The following OGFR variants were observed in gnomAD, a reference collection of about 807,000 sequenced individuals.
The protein encoded by OGFR is protein 7-60.
Under a neutral mutation model 33.6 loss-of-function variants are expected in OGFR, and 18 were observed. That is an observed-to-expected ratio of 0.54 (90% confidence interval 0.37 to 0.80). OGFR has a LOEUF of 0.80. Among genes scored for constraint, OGFR ranks in the 30% least tolerant of loss-of-function variants. The probability of loss-of-function intolerance (pLI) is 0.00; values close to 1 mark genes in which losing one functional copy is unlikely to be tolerated. For synonymous variants in OGFR, 370 were observed against 400.7 expected, an observed-to-expected ratio of 0.92 and a Z score of 0.91; for missense variants, 877 against 955.8, an observed-to-expected ratio of 0.92 and a Z score of 1.09.
At position 62,808,268 on chromosome 20, in the gene OGFR, A is replaced by G; in HGVS notation, c.262A>G (p.Asn88Asp). Residue 88 changes from asparagine (N) to aspartate (D), a missense_variant, in exon 3 of 7, where the codon AAT (asparagine) becomes GAT (aspartate). Asn to Asp is a conservative substitution (Grantham distance 23). Around this residue, in one of 3 missense-constraint regions of OGFR, gnomAD observed 760 missense variants for 736.0 expected, o/e 1.03. Coordinates refer to ENST00000290291, the MANE Select transcript of OGFR (RefSeq NM_007346.4). ...NYPDLVERDC[N>D]GDTPNLSFYR... is the part of the protein sequence containing the mutation. ...TCAGGATCTGGTGGAACGAGACTGCAATGGGGACACGCCAAACCTGAGTTT... is the reference window on the plus strand; with the variant it reads ...TCAGGATCTGGTGGAACGAGACTGCGATGGGGACACGCCAAACCTGAGTTT... 4 of 1,613,462 alleles carry G rather than the reference A, an allele frequency of 2.5e-6. No individual in the cohort carries two copies. The highest frequency in any genetic ancestry group is 3.4e-6 in the Non-Finnish European group (4 of 1,179,878).
At position 62,810,487 on chromosome 20, in the gene OGFR, C is replaced by G; in HGVS notation, c.399-12C>G. The G allele has an allele frequency of 6.2e-7, 1 of 1,613,104 alleles. No homozygotes were observed. Among genetic ancestry groups the G allele is most frequent in the Non-Finnish European group, 8.5e-7 (1 of 1,179,700 alleles). ...CTCCTAATCCCTTGCCTGAGCATCT[C>G]TTCTCCTGCAGGCTGTTTCCTCTGC... is the stretch of plus-strand genomic sequence containing the variant. On this transcript the variant is annotated splice_polypyrimidine_tract_variant and intron_variant, in intron 4 of 6. Coordinates refer to ENST00000290291, the MANE Select transcript of OGFR (RefSeq NM_007346.4).
chr20:62,813,460 CG>C lies in OGFR; in HGVS notation c.1846del (p.Glu616ArgfsTer98), dbSNP rs1990795694. The C allele has an allele frequency of 2.1e-6, 3 of 1,427,808 alleles. No individual in the cohort carries two copies. The highest frequency in any genetic ancestry group is 2.8e-5 in the East Asian group (1 of 36,044). 88.4% of individuals were successfully genotyped at this position (1,427,808 alleles called of 1,614,324 possible). A position where few individuals can be genotyped will look rare whatever the true frequency, so the allele number is the denominator to read the frequency against. Reference sequence around the variant, plus strand: ...CAGGACCTGCAGGGGACGAGCCAGCCGAGAGCCCATCGGAGACCCCAGGCCC... The same window carrying C: ...CAGGACCTGCAGGGGACGAGCCAGCCAGAGCCCATCGGAGACCCCAGGCCC... ...PAGPAGDEPAESPSETPGPRP... is the reference protein window; with the variant it reads ...PAGPAGDEPAXSPSETPGPRP... On this transcript the variant is annotated frameshift_variant, in exon 7 of 7. Coordinates refer to ENST00000290291, the MANE Select transcript of OGFR (RefSeq NM_007346.4). LOFTEE classifies it low-confidence loss of function (END_TRUNC).
At chr20:62,810,351 C>G in intron 4 of OGFR, 148 bp from the exon 5 acceptor site, 1 of 689,774 alleles carries the variant, frequency 1.4e-6, no homozygotes, top group Non-Finnish European at 2.5e-6. Context: ...CTCTCCCACC[C>G]TCGCTCCTCC....
intron 1 of OGFR, 151 bp from the exon 2 acceptor site, chr20:62,807,386 A>T: frequency 1.5e-6 from 1 of 676,356 alleles, no homozygotes; most frequent in Non-Finnish European, 2.6e-6. Flanking sequence ...AAAAAGAGCC[A>T]GGGCAGGAGA....
At position 62,807,338 on chromosome 20, in the gene OGFR, G is replaced by A. The variant is rs115942373; in HGVS notation, c.172-199G>A. On this transcript the variant is annotated intron_variant, in intron 1 of 6. Coordinates refer to ENST00000290291, the MANE Select transcript of OGFR (RefSeq NM_007346.4). ...GGTTCTGTGCAGGGTATTGGGATGC[G>A]TTACTGAGGCCCAAATCTGCCCCAC... The A allele has an allele frequency of 3.4e-3, 2,066 of 610,766 alleles. 37 individuals are homozygous for A. The highest frequency in any genetic ancestry group is 0.033 in the African/African-American group (1,794 of 54,104). 37.8% of individuals were successfully genotyped at this position (610,766 alleles called of 1,614,324 possible). A position where few individuals can be genotyped will look rare whatever the true frequency, so the allele number is the denominator to read the frequency against.
Position 62,811,626 on chromosome 20 carries a change from T to TGGCGGC in OGFR, c.614+16_614+17insGGCGGC. 2 of 1,502,520 alleles carry TGGCGGC rather than the reference T, an allele frequency of 1.3e-6. No individual in the cohort carries two copies. The highest frequency in any genetic ancestry group is 1.8e-6 in the Non-Finnish European group (2 of 1,110,112). 93.1% of individuals were successfully genotyped at this position (1,502,520 alleles called of 1,614,324 possible). ...ACCTGAACTGGTGAGGCCCGGCTGC[T>TGGCGGC]CCCGCCCACCCCCACCCCGGCGCAG... On this transcript the variant is annotated intron_variant, in intron 6 of 6. Transcript: ENST00000290291.
Position 62,812,785 on chromosome 20 carries a change from C to T in OGFR, c.1170C>T (p.Ser390=). 6.2e-7 allele frequency: 1 copy of T among 1,612,252 alleles called. No homozygotes were observed. Among genetic ancestry groups the T allele is most frequent in the Non-Finnish European group, 8.5e-7 (1 of 1,179,726 alleles). ...KESKKRKLEL[S]RREQPPTEPG... is the part of the protein sequence containing the mutation. ...GCAAGAAGAGGAAGCTGGAGCTGAG[C>T]CGGCGGGAGCAGCCGCCCACAGAGC... The change falls in exon 7 of 7, where the codon AGC becomes AGT. Residue 390 remains serine, a synonymous_variant. Transcript: ENST00000290291.
Position 62,813,033 on chromosome 20 carries a change from G to C in OGFR, c.1418G>C (p.Ser473Thr). The C allele has an allele frequency of 1.9e-6, 3 of 1,600,374 alleles. No homozygotes were observed. ...GCTGGGGACAGTGCTGCGGTGGCCA[G>C]TGGTGGTGCCCAGACCTTGGCCCTT... ...EGAGDSAAVA[S>T]GGAQTLALAG... The change falls in exon 7 of 7, where the codon AGT becomes ACT. Residue 473 changes from serine (S) to threonine (T), a missense_variant. Around this residue, in one of 3 missense-constraint regions of OGFR, gnomAD observed 760 missense variants for 736.0 expected, o/e 1.03. Transcript: ENST00000290291.
In OGFR at chr20:62,813,854, G is replaced by T. The variant is rs1000719986; in HGVS notation, c.*205G>T. On this transcript the variant is annotated 3_prime_UTR_variant, in exon 7 of 7. Transcript: ENST00000290291. ...GCCCAAGGCCTGCAGAAGCCTCCTG[G>T]CCTGGCTGTGTCTTCCCCACCCAGC... 7.3e-5 allele frequency: 45 copies of T among 618,098 alleles called. No individual in the cohort carries two copies. The highest frequency in any genetic ancestry group is 1.2e-4 in the Non-Finnish European group (42 of 354,010). 38.3% of individuals were successfully genotyped at this position (618,098 alleles called of 1,614,324 possible).
intron 6 of OGFR, among the ~76,000 whole-genome samples, 158 bp downstream of exon 6, chr20:62,811,768 C>T (rs773758964): frequency 3.9e-5 from 6 of 152,248 alleles, no homozygotes; most frequent in Non-Finnish European, 1.5e-5. Context: ...CCTGTAGAGC[C>T]GGGCGGTCCC....
intron 1 of OGFR, chr20:62,806,130 C>T (rs910253718): frequency 6.6e-6 from 1 of 152,244 alleles, no homozygotes; most frequent in Non-Finnish European, 1.5e-5. Flanking sequence ...GTGGCCACAT[C>T]CAGTCAGGAC....
Position 62,812,639 on chromosome 20 carries a change from G to T in OGFR, c.1024G>T (p.Asp342Tyr). Residue 342 changes from aspartate (D) to tyrosine (Y), a missense_variant, in exon 7 of 7, where the codon GAC becomes TAC. By Grantham distance (160) the Asp-to-Tyr change is radical. Transcript: ENST00000290291. ...GCATAGCAAGGGTGGGGGCAGGGTG[G>T]ACGAGGGGCCCCAGCCACGGAGCGT... Reference protein sequence around the residue: ...PEHSKGGGRVDEGPQPRSVEP... With the variant: ...PEHSKGGGRVYEGPQPRSVEP... 1 of 1,560,174 alleles carries T rather than the reference G, an allele frequency of 6.4e-7. No homozygotes were observed.
At chr20:62,807,900 C>A in intron 2 of OGFR, 1 of 599,204 alleles carries the variant, frequency 1.7e-6, no homozygotes. Flanking sequence ...TGATACCGCC[C>A]ACACAGCACC....
Position 62,813,678 on chromosome 20 carries a change from C to T in OGFR, c.*29C>T, listed in dbSNP as rs769847399. The stretch of plus-strand genomic sequence containing the variant: ...AAGGAGTGCCCGTCGGCGTCTTGGT[C>T]CTCCTGTCCCTGCTGCAGGGGCTGG... On this transcript the variant is annotated 3_prime_UTR_variant, in exon 7 of 7. Coordinates refer to ENST00000290291, the MANE Select transcript of OGFR (RefSeq NM_007346.4). The T allele has an allele frequency of 2.6e-5, 42 of 1,607,814 alleles. No homozygotes were observed. The Admixed American group carries it at 4.9e-4, about 19-fold the overall frequency.
intron 5 of OGFR, 138 bp from the exon 6 acceptor site, chr20:62,811,324 T>G: frequency 1.0e-6 from 1 of 983,036 alleles, no homozygotes; most frequent in Non-Finnish European, 1.5e-6. Flanking sequence ...AGAGCAAGAC[T>G]CTGTCTCTAA....
intron 3 of OGFR, among the ~76,000 whole-genome samples, chr20:62,808,526 G>T (rs1320406406): frequency 6.6e-6 from 1 of 152,144 alleles, no homozygotes; most frequent in Non-Finnish European, 1.5e-5. Flanking sequence ...GGTCGGGGTG[G>T]GCTATCTCTG....
At position 62,805,159 on chromosome 20, in the gene OGFR, C is replaced by CT. The variant is rs1258544594; in HGVS notation, c.171+129_171+130insT. On this transcript the variant is annotated intron_variant, in intron 1 of 6. Transcript: ENST00000290291. ...CTGGAGCTCCCGCAGCCCCGGGGAC[C>CT]CCCCCCCAGACCGGCCGACCCCCAG... The CT allele has an allele frequency of 4.8e-5, 31 of 647,732 alleles. No homozygotes were observed. In the Middle Eastern group the frequency reaches 1.5e-3, roughly 31 times the overall value. 40.1% of individuals were successfully genotyped at this position (647,732 alleles called of 1,614,324 possible). A position where few individuals can be genotyped will look rare whatever the true frequency, so the allele number is the denominator to read the frequency against.
intron 4 of OGFR, 142 bp downstream of exon 4, chr20:62,809,805 C>T (rs947880293): frequency 3.0e-5 from 21 of 702,946 alleles, no homozygotes; most frequent in Non-Finnish European, 4.4e-5. Flanking sequence ...CCACATTACA[C>T]GGATGGACAT....
rs1990702662 is a variant in OGFR at position 62,810,575 on chromosome 20, G to T, written c.465+10G>T. ...GCTCAGGGAGGTCGAGGTGAGCCAG[G>T]CCTTGGCTGTGACTGGAGGGGAAGA... On this transcript the variant is annotated intron_variant, in intron 5 of 6. Transcript: ENST00000290291. 4 of 1,612,022 alleles carry T rather than the reference G, an allele frequency of 2.5e-6. No individual in the cohort carries two copies. The highest frequency in any genetic ancestry group is 3.4e-6 in the Non-Finnish European group (4 of 1,179,482).
Sources: gnomAD v4.1 joint callset for allele counts (sites outside exome capture counted in the v4.1 genomes callset) on GRCh38, gnomAD v4.1.1 for gene constraint, gnomAD v4.1.1 regional missense constraint, MANE v1.5 for transcripts, NCBI Gene and HGNC (gene_info 2026-07-23, HGNC 2026-07-21) for gene names.